RYR2: variants seen among roughly 807,000 people sequenced by gnomAD.
The protein encoded by RYR2 is ryanodine receptor 2, also known as cardiac muscle ryanodine receptor-calcium release channel.
A neutral mutation model predicts 601.1 loss-of-function variants in RYR2; 227 were observed. The ratio of observed to expected loss-of-function variants is 0.38; its 90% CI spans 0.34 to 0.42. The LOEUF (loss-of-function observed/expected upper bound fraction) is 0.42. Ranked by LOEUF, RYR2 falls within the 10% of genes least tolerant of loss-of-function variation. RYR2 has a pLI of 1.00. For synonymous variants in RYR2, 2,223 were observed against 2,175.1 expected (o/e 1.02, Z -0.61); for missense variants, 4,646 against 6,156.5 (o/e 0.75, Z 8.21).
At chr1:237,128,355 G>A (rs957991020) in intron 1 of RYR2, among the ~76,000 whole-genome samples, 3 of 152,194 alleles carry the variant, frequency 2.0e-5, no homozygotes, top group African/African-American at 4.8e-5. Flanking sequence ...GCATGAGAGG[G>A]AGACTGTGGA....
chr1:237,779,276 G>T lies in RYR2; in HGVS notation c.11880+506G>T, dbSNP rs527867880. Among the ~76,000 whole-genome samples, 6 of 152,280 alleles carry T rather than the reference G, an allele frequency of 3.9e-5. No homozygotes were observed. In the South Asian group the frequency reaches 1.2e-3, roughly 32 times the overall value. ...GTAGCTATTATATGGATAAGCAAAT[G>T]AAGAATAAACAGATTTTCTACCATG... On this transcript the variant is annotated intron_variant, in intron 88 of 104. Transcript: ENST00000366574.
intron 27 of RYR2, among the ~76,000 whole-genome samples, chr1:237,561,839 A>T (rs1165641267): frequency 1.3e-5 from 2 of 152,168 alleles, no homozygotes; most frequent in African/African-American, 4.8e-5. Context: ...GCTTGGAGGT[A>T]GACCAGTTGG....
chr1:237,230,513 T>C (rs1442045687), intron 1 of RYR2, among the ~76,000 whole-genome samples: 1 of 152,244 alleles, frequency 6.6e-6, no homozygotes, highest in African/African-American at 2.4e-5. Flanking sequence ...TTTTGTAGTA[T>C]TCTGTTTTTC....
At chr1:237,786,609 G>A (rs1178043630) in intron 91 of RYR2, among the ~76,000 whole-genome samples, 2 of 151,800 alleles carry the variant, frequency 1.3e-5, no homozygotes, top group South Asian at 2.1e-4. Flanking sequence ...TGGGATCAAC[G>A]CAGCAATAAA....
At chr1:237,081,283 A>T (rs1245419823) in intron 1 of RYR2, among the ~76,000 whole-genome samples, 14 of 142,184 alleles carry the variant, frequency 9.8e-5, no homozygotes, top group East Asian at 4.0e-4. Flanking sequence ...AGTATAATAA[A>T]AAAAAAAAAA....
chr1:237,377,184 T>G, intron 7 of RYR2, 139 bp from the exon 8 acceptor site: 1 of 568,262 alleles, frequency 1.8e-6, no homozygotes, highest in Non-Finnish European at 3.0e-6. Flanking sequence ...GGCTTAATTC[T>G]TTCTCTTTTC....
At position 237,806,212 on chromosome 1, in the gene RYR2, C is replaced by G; in HGVS notation, c.14227C>G (p.Leu4743Val). The change falls in exon 99 of 105, where the codon CTT (leucine) becomes GTT (valine). Residue 4743 changes from leucine (L) to valine (V), a missense_variant. Physicochemically the swap from Leu to Val is conservative, Grantham distance 32. This residue lies in a region of RYR2 where 76 missense variants were observed against 97.4 expected (regional missense o/e 0.78). Coordinates refer to ENST00000366574, the MANE Select transcript of RYR2 (RefSeq NM_001035.3). ...TAACAACTTTTTTTTTGCCGCTCACCTTCTCGACATTGCTATGGGATTCAA... is the reference window on the plus strand; with the variant it reads ...TAACAACTTTTTTTTTGCCGCTCACGTTCTCGACATTGCTATGGGATTCAA... ...HYNNFFFAAH[L>V]LDIAMGFKTL... is the part of the protein sequence containing the mutation. 6.2e-7 allele frequency: 1 copy of G among 1,613,236 alleles called. No individual in the cohort carries two copies. Among genetic ancestry groups the G allele is most frequent in the Non-Finnish European group, 8.5e-7 (1 of 1,179,320 alleles).
chr1:237,708,733 G>C, intron 68 of RYR2, 125 bp from the exon 69 acceptor site: 1 of 810,552 alleles, frequency 1.2e-6, no homozygotes, highest in Non-Finnish European at 1.9e-6. Flanking sequence ...GGCATGAGCT[G>C]TACCCTTAAG....
rs1290113575 is a variant in RYR2, at chr1:237,610,471, T to C, written c.4684-291T>C. Reference sequence around the variant, plus strand: ...GCCTGGTAAAGAAATATAAAGGATATATGGGTATGCTTGGCCTTCTCTCTG... The same window carrying C: ...GCCTGGTAAAGAAATATAAAGGATACATGGGTATGCTTGGCCTTCTCTCTG... On this transcript the variant is annotated intron_variant, in intron 35 of 104. Transcript: ENST00000366574. The surrounding 1 kb of genome is among the most constrained non-coding windows in gnomAD (Gnocchi z 4.9). 6.6e-6 allele frequency among the ~76,000 whole-genome samples: 1 copy of C among 152,100 alleles called. No homozygotes were observed. Among genetic ancestry groups the C allele is most frequent in the Non-Finnish European group, 1.5e-5 (1 of 68,020 alleles).
intron 35 of RYR2, among the ~76,000 whole-genome samples, chr1:237,608,524 C>G (rs1677410870): frequency 6.6e-6 from 1 of 151,878 alleles, no homozygotes. Context: ...ATAGTGAGAC[C>G]CCATCTCTAC....
In RYR2 at chr1:237,504,450, G is replaced by C. The variant is rs570478268; in HGVS notation, c.2613+945G>C. Among the ~76,000 whole-genome samples, 127 of 152,218 alleles carry C rather than the reference G, an allele frequency of 8.3e-4. 1 individual carries two copies. Among genetic ancestry groups the C allele is most frequent in the African/African-American group, 3.0e-3 (124 of 41,538 alleles). On this transcript the variant is annotated intron_variant, in intron 22 of 104. Coordinates refer to ENST00000366574, the MANE Select transcript of RYR2 (RefSeq NM_001035.3). ...AAGTACATTGATCAGTTCGGGTGGG[G>C]CAGAAACAAATCACAATGGTGGAAT...
At chr1:237,414,888 G>A (rs1041642224) in intron 10 of RYR2, among the ~76,000 whole-genome samples, 2 of 152,188 alleles carry the variant, frequency 1.3e-5, no homozygotes, top group Non-Finnish European at 2.9e-5. Flanking sequence ...AACCCTCAAA[G>A]GGAGAGGATT....
chr1:237,131,072 A>T (rs1672117679), intron 1 of RYR2, among the ~76,000 whole-genome samples: 1 of 152,198 alleles, frequency 6.6e-6, no homozygotes, highest in South Asian at 2.1e-4. Flanking sequence ...AGAGAAAGAT[A>T]GCCCCTGGCA....
chr1:237,216,920 A>G (rs1683246268), intron 1 of RYR2, among the ~76,000 whole-genome samples: 1 of 152,212 alleles, frequency 6.6e-6, no homozygotes, highest in Non-Finnish European at 1.5e-5. Context: ...GTGGCTATTC[A>G]ATAAATATTT....
At chr1:237,432,849 T>A (rs113221427) in intron 12 of RYR2, among the ~76,000 whole-genome samples, 2,871 of 151,782 alleles carry the variant, frequency 0.019, 90 homozygotes, top group African/African-American at 0.065. Flanking sequence ...ACTTACTTCC[T>A]TTAGAATGCA....
intron 2 of RYR2, among the ~76,000 whole-genome samples, chr1:237,318,406 G>A (rs1695312496): frequency 6.6e-6 from 1 of 151,908 alleles, no homozygotes; most frequent in African/African-American, 2.4e-5. Context: ...AATTTTTACA[G>A]TCTTTTATGT....
chr1:237,659,932 A>G lies in RYR2; in HGVS notation c.8209-53A>G, dbSNP rs1226280921. On this transcript the variant is annotated intron_variant, in intron 54 of 104. Transcript: ENST00000366574. ...GCACTTAAACACCTGCATATCTACA[A>G]TCTCTAAAATTAACACGTGTAAAAC... 4.1e-6 allele frequency: 5 copies of G among 1,209,078 alleles called. No homozygotes were observed. The East Asian group carries it at 7.6e-5, about 18-fold the overall frequency. 74.9% of individuals were successfully genotyped at this position (1,209,078 alleles called of 1,614,324 possible).
At chr1:237,169,480 A>G (rs1237936308) in intron 1 of RYR2, among the ~76,000 whole-genome samples, 1 of 151,930 alleles carries the variant, frequency 6.6e-6, no homozygotes, top group African/African-American at 2.4e-5. Context: ...TTGTATTTTT[A>G]GTAGACACAG....
chr1:237,628,945 C>T (rs1679968742), intron 41 of RYR2, among the ~76,000 whole-genome samples: 2 of 152,018 alleles, frequency 1.3e-5, no homozygotes, highest in South Asian at 4.2e-4. Context: ...GCTTGCATTT[C>T]ATGTGGATTT....
Sources: allele counts gnomAD v4.1 joint callset (sites outside exome capture counted in the v4.1 genomes callset), GRCh38; gene constraint gnomAD v4.1.1; regional missense constraint gnomAD v4.1.1; non-coding constraint Gnocchi (gnomAD v3.1); transcripts MANE v1.5; gene names NCBI Gene and HGNC (gene_info 2026-07-23, HGNC 2026-07-21).